PARD6B: variants seen among roughly 807,000 people sequenced by gnomAD.
PARD6B encodes the protein par-6 family cell polarity regulator beta.
PARD6B carries 4 observed loss-of-function variants against 10.5 expected under a neutral mutation model. The ratio of observed to expected loss-of-function variants is 0.38; its 90% CI spans 0.19 to 0.87. The LOEUF (loss-of-function observed/expected upper bound fraction) is 0.87, where lower values mean the gene tolerates loss of function less well. PARD6B is among the 40% of genes least tolerant of loss of function. The pLI is 0.41. For missense variants in PARD6B, 396 were observed against 470.6 expected (o/e 0.84, Z 1.47); for synonymous variants, 169 against 170.4 (o/e 0.99, Z 0.07).
Position 50,750,772 on chromosome 20 carries a change from CTA to C in PARD6B, c.*286_*287del. ...CAGATGTTAAAGCACATTCTTGGAA[CTA>C]TGTGAGAAGACTAGATCATTTCTGT... On this transcript the variant is annotated 3_prime_UTR_variant, in exon 3 of 3. Coordinates refer to ENST00000371610, the MANE Select transcript of PARD6B (RefSeq NM_032521.3). The C allele has an allele frequency of 5.1e-6, 6 of 1,169,534 alleles. No homozygotes were observed. Among genetic ancestry groups the C allele is most frequent in the Non-Finnish European group, 5.3e-6 (5 of 942,926 alleles). 72.4% of individuals were successfully genotyped at this position (1,169,534 alleles called of 1,614,324 possible).
rs1280991215 is a variant in PARD6B, at chr20:50,750,660, T to C, written c.*172T>C. On this transcript the variant is annotated 3_prime_UTR_variant, in exon 3 of 3. Transcript: ENST00000371610. ...GTTTGATAATTGTTAATATAAACTT[T>C]GGTGGATCAGAGGTGAATTTAAGTC... 2 of 1,398,006 alleles carry C rather than the reference T, an allele frequency of 1.4e-6. No homozygotes were observed. The highest frequency in any genetic ancestry group is 1.9e-6 in the Non-Finnish European group (2 of 1,080,522). The allele number at this position is 1,398,006 out of a possible 1,614,324, so 86.6% of individuals were successfully genotyped here.
chr20:50,742,334 G>A (rs932270472), intron 2 of PARD6B, among the ~76,000 whole-genome samples: 2 of 152,064 alleles, frequency 1.3e-5, no homozygotes, highest in Non-Finnish European at 2.9e-5. Context: ...GGGAGCCGCC[G>A]TGCCTGGCCC....
chr20:50,744,110 T>G (rs1171309668), intron 2 of PARD6B, among the ~76,000 whole-genome samples: 4 of 136,708 alleles, frequency 2.9e-5, no homozygotes, highest in African/African-American at 1.1e-4. Context: ...AGCTTCTTTT[T>G]TTTTTTTTTT....
intron 1 of PARD6B, among the ~76,000 whole-genome samples, chr20:50,736,890 G>A (rs189171701): frequency 2.2e-4 from 33 of 152,062 alleles, no homozygotes; most frequent in Admixed American, 1.6e-3. Context: ...TAGTAGAGAC[G>A]GGTTTTGCCA....
In PARD6B at chr20:50,750,716, A is replaced by G. The variant is rs915696401; in HGVS notation, c.*228A>G. On this transcript the variant is annotated 3_prime_UTR_variant, in exon 3 of 3. Transcript: ENST00000371610. ...CAAAGGGGCCTTTGCTGATGAAGTT[A>G]CGTGCTTTTGCTGTTTTGTCTGTGG... The G allele has an allele frequency of 3.8e-6, 5 of 1,309,816 alleles. No homozygotes were observed. Among genetic ancestry groups the G allele is most frequent in the Non-Finnish European group, 4.9e-6 (5 of 1,028,858 alleles). 81.1% of individuals were successfully genotyped at this position (1,309,816 alleles called of 1,614,324 possible). A position where few individuals can be genotyped will look rare whatever the true frequency, so the allele number is the denominator to read the frequency against.
At chr20:50,742,076 T>C (rs1054751876) in intron 2 of PARD6B, among the ~76,000 whole-genome samples, 1 of 151,744 alleles carries the variant, frequency 6.6e-6, no homozygotes, top group Non-Finnish European at 1.5e-5. Flanking sequence ...TGTTTTGTTT[T>C]AAGTCTTGCT....
At chr20:50,748,330 C>T (rs1338278637) in intron 2 of PARD6B, among the ~76,000 whole-genome samples, 3 of 152,192 alleles carry the variant, frequency 2.0e-5, no homozygotes, top group Non-Finnish European at 2.9e-5. Flanking sequence ...GACGACAGAG[C>T]GAGACTCCGT....
At chr20:50,742,352 T>C (rs1192788443) in intron 2 of PARD6B, among the ~76,000 whole-genome samples, 1 of 149,284 alleles carries the variant, frequency 6.7e-6, no homozygotes, top group African/African-American at 2.5e-5. Context: ...CCCCAAGTGA[T>C]TTATTTTATT....
chr20:50,745,441 T>G lies in PARD6B; in HGVS notation c.290-4218T>G, dbSNP rs150057031. ...AAAAAAAAAAAAGTTGCCAGATCTA[T>G]CTCATTTAACCATTTTATATTAGAG... On this transcript the variant is annotated intron_variant, in intron 2 of 2. Transcript: ENST00000371610. Among the ~76,000 whole-genome samples, 51 of 151,816 alleles carry G rather than the reference T, an allele frequency of 3.4e-4. 1 individual carries two copies. The East Asian group carries it at 9.1e-3, about 27-fold the overall frequency.
rs2087624829 is a variant in PARD6B at position 50,753,242 on chromosome 20, G to A, written c.*2754G>A. On this transcript the variant is annotated 3_prime_UTR_variant, in exon 3 of 3. Transcript: ENST00000371610. Reference sequence around the variant, plus strand: ...TTTTATTTTAATTATCCTGTTAAGGGTATCTATCAATGGTATTTTCAAGTA... The same window carrying A: ...TTTTATTTTAATTATCCTGTTAAGGATATCTATCAATGGTATTTTCAAGTA... 1 of 984,740 alleles carries A rather than the reference G, an allele frequency of 1.0e-6. No homozygotes were observed. The highest frequency in any genetic ancestry group is 1.2e-6 in the Non-Finnish European group (1 of 829,122). 61.0% of individuals were successfully genotyped at this position (984,740 alleles called of 1,614,324 possible).
chr20:50,744,440 C>G (rs1225982575), intron 2 of PARD6B, among the ~76,000 whole-genome samples: 5 of 152,198 alleles, frequency 3.3e-5, no homozygotes, highest in Admixed American at 6.5e-5. Context: ...TGTCCTCCCC[C>G]TCCACGTCCT....
At chr20:50,745,316 C>T (rs556993022) in intron 2 of PARD6B, among the ~76,000 whole-genome samples, 11 of 150,710 alleles carry the variant, frequency 7.3e-5, no homozygotes, top group Admixed American at 4.7e-4. Flanking sequence ...CCCAGCTACT[C>T]GGGAGGCTGA....
rs957712242 is a variant in PARD6B at position 50,740,642 on chromosome 20, C to G, written c.289+2563C>G. On this transcript the variant is annotated intron_variant, in intron 2 of 2. Transcript: ENST00000371610. ...CAACTTAGAAATATGTTTCTATGTG[C>G]AAATGTTTTCTATTTATTAATGGTA... Among the ~76,000 whole-genome samples, 4 of 152,070 alleles carry G rather than the reference C, an allele frequency of 2.6e-5. No individual in the cohort carries two copies. The East Asian group carries it at 7.7e-4, about 29-fold the overall frequency.
In PARD6B at chr20:50,750,954, ATTTTTTTTTTTTTT is replaced by A. The variant is rs565068464; in HGVS notation, c.*485_*498del. 125,916 of 386,478 alleles carry A rather than the reference ATTTTTTTTTTTTTT, an allele frequency of 0.33. 4,431 individuals are homozygous for A. Among genetic ancestry groups the A allele is most frequent in the Admixed American group, 0.38 (2,116 of 5,514 alleles). The allele number at this position is 386,478 out of a possible 1,614,324, so 23.9% of individuals were successfully genotyped here. Reference sequence around the variant, plus strand: ...CTCATGTTCCCAATATTTTATTTTGATTTTTTTTTTTTTTTTTTTTTTTTTTTTTTTTAGTGACT... The same window carrying A: ...CTCATGTTCCCAATATTTTATTTTGATTTTTTTTTTTTTTTTTTAGTGACT... On this transcript the variant is annotated 3_prime_UTR_variant, in exon 3 of 3. Coordinates refer to ENST00000371610, the MANE Select transcript of PARD6B (RefSeq NM_032521.3).
In PARD6B at chr20:50,750,685, CCAAAA is replaced by C; in HGVS notation, c.*202_*206del. ...TGGTGGATCAGAGGTGAATTTAAGT[CCAAAA>C]CAAAGGGGCCTTTGCTGATGAAGTT... On this transcript the variant is annotated 3_prime_UTR_variant, in exon 3 of 3. Coordinates refer to ENST00000371610, the MANE Select transcript of PARD6B (RefSeq NM_032521.3). 7.4e-7 allele frequency: 1 copy of C among 1,359,066 alleles called. No individual in the cohort carries two copies. The highest frequency in any genetic ancestry group is 1.7e-5 in the South Asian group (1 of 57,224). The allele number at this position is 1,359,066 out of a possible 1,614,324, so 84.2% of individuals were successfully genotyped here. A position where few individuals can be genotyped will look rare whatever the true frequency, so the allele number is the denominator to read the frequency against.
chr20:50,751,500 C>T lies in PARD6B; in HGVS notation c.*1012C>T, dbSNP rs1231574164. The T allele has an allele frequency of 1.7e-4, 123 of 742,626 alleles. No individual in the cohort carries two copies. Among genetic ancestry groups the T allele is most frequent in the Non-Finnish European group, 1.9e-4 (114 of 609,568 alleles). 46.0% of individuals were successfully genotyped at this position (742,626 alleles called of 1,614,324 possible). On this transcript the variant is annotated 3_prime_UTR_variant, in exon 3 of 3. Coordinates refer to ENST00000371610, the MANE Select transcript of PARD6B (RefSeq NM_032521.3). Reference sequence around the variant, plus strand: ...CCTCCCAAGTAGCTGGGACTACAGGCGCCTGCCACCATGCCTGGCTAATTT... The same window carrying T: ...CCTCCCAAGTAGCTGGGACTACAGGTGCCTGCCACCATGCCTGGCTAATTT...
intron 2 of PARD6B, 151 bp from the exon 3 acceptor site, chr20:50,749,508 A>ACT: frequency 1.5e-6 from 1 of 672,376 alleles, no homozygotes; most frequent in Non-Finnish European, 2.4e-6. Context: ...TTACTACTGT[A>ACT]CTAGATTATG....
chr20:50,732,656 C>A (rs1413917296), intron 1 of PARD6B, among the ~76,000 whole-genome samples: 1 of 152,178 alleles, frequency 6.6e-6, no homozygotes, highest in East Asian at 1.9e-4. Context: ...GGAACACTTT[C>A]AGCAAGCGTT....
At chr20:50,739,294 A>G (rs2087516885) in intron 2 of PARD6B, among the ~76,000 whole-genome samples, 1 of 152,034 alleles carries the variant, frequency 6.6e-6, no homozygotes, top group Non-Finnish European at 1.5e-5. Flanking sequence ...TAAAAATACA[A>G]AAATTAGCTG....
Sources: allele counts gnomAD v4.1 joint callset (sites outside exome capture counted in the v4.1 genomes callset), GRCh38; gene constraint gnomAD v4.1.1; transcripts MANE v1.5; gene names NCBI Gene and HGNC (gene_info 2026-07-23, HGNC 2026-07-21).